IDH3B: variants seen among roughly 807,000 people sequenced by gnomAD.
The protein encoded by IDH3B is isocitrate dehydrogenase (NAD(+)) 3 non-catalytic subunit beta.
Under a neutral mutation model 47.5 loss-of-function variants are expected in IDH3B, and 40 were observed. The observed-to-expected ratio is 0.84, with a 90% CI of 0.65 to 1.10. IDH3B has a LOEUF of 1.10. Among genes scored for constraint, IDH3B ranks in the 50% least tolerant of loss-of-function variants. IDH3B has a pLI of 0.00. For synonymous variants in IDH3B, 185 were observed against 191.0 expected (o/e 0.97, Z 0.26); for missense variants, 450 against 505.2 (o/e 0.89, Z 1.05).
chr20:2,659,461 T>G, intron 11 of IDH3B, 64 bp downstream of exon 11: 1 of 1,571,602 alleles, frequency 6.4e-7, no homozygotes. Context: ...CAGAGGGTAG[T>G]GCCGAGGTGC....
chr20:2,660,855 C>T lies in IDH3B; in HGVS notation c.399-26G>A. 6.2e-7 allele frequency: 1 copy of T among 1,614,228 alleles called. No individual in the cohort carries two copies. The highest frequency in any genetic ancestry group is 1.1e-5 in the South Asian group (1 of 91,080). ...CTGAGGGTGGGCAGGGCCATCAGCTCTGCTCCTGGTGCCCTGGCACCTCTC... is the reference window on the plus strand; with the variant it reads ...CTGAGGGTGGGCAGGGCCATCAGCTTTGCTCCTGGTGCCCTGGCACCTCTC... On this transcript the variant is annotated intron_variant, in intron 5 of 11. Transcript: ENST00000380843. This position sits in a 1 kb window ranked among gnomAD's most constrained non-coding sequence, Gnocchi z 5.6.
intron 4 of IDH3B, among the ~76,000 whole-genome samples, chr20:2,662,562 T>A (rs1262969505): frequency 6.6e-6 from 1 of 151,982 alleles, no homozygotes; most frequent in East Asian, 1.9e-4. Context: ...CTCACGCCTA[T>A]AATCGCAGCA....
intron 4 of IDH3B, among the ~76,000 whole-genome samples, chr20:2,662,956 T>A (rs934683837): frequency 3.4e-5 from 5 of 146,762 alleles, no homozygotes; most frequent in Middle Eastern, 3.5e-3. Flanking sequence ...GACTCTGTCT[T>A]AAAACAAAAC....
chr20:2,660,899 G>C lies in IDH3B; in HGVS notation c.398+10C>G, dbSNP rs1238899781. On this transcript the variant is annotated intron_variant, in intron 5 of 11. Coordinates refer to ENST00000380843, the MANE Select transcript of IDH3B (RefSeq NM_006899.5). This position sits in a 1 kb window ranked among gnomAD's most constrained non-coding sequence, Gnocchi z 5.6. Reference sequence around the variant, plus strand: ...ACCTCTCAACCATTCACCCCACCCAGACCACCTACCTCAGCCGCATATCAT... The same window carrying C: ...ACCTCTCAACCATTCACCCCACCCACACCACCTACCTCAGCCGCATATCAT... 1 of 1,614,132 alleles carries C rather than the reference G, an allele frequency of 6.2e-7. No homozygotes were observed. Among genetic ancestry groups the C allele is most frequent in the Non-Finnish European group, 8.5e-7 (1 of 1,180,010 alleles).
chr20:2,660,194 G>A lies in IDH3B; in HGVS notation c.769-18C>T, dbSNP rs2146309428. On this transcript the variant is annotated intron_variant, in intron 8 of 11. Coordinates refer to ENST00000380843, the MANE Select transcript of IDH3B (RefSeq NM_006899.5). The surrounding 1 kb of genome is among the most constrained non-coding windows in gnomAD (Gnocchi z 5.6). ...TGCACCAGCTAGAGGGTGAGATGCAGGCATGAAGTAAATTCCACTCCCCAC... is the reference window on the plus strand; with the variant it reads ...TGCACCAGCTAGAGGGTGAGATGCAAGCATGAAGTAAATTCCACTCCCCAC... 6.2e-7 allele frequency: 1 copy of A among 1,614,164 alleles called. No individual in the cohort carries two copies. Among genetic ancestry groups the A allele is most frequent in the Non-Finnish European group, 8.5e-7 (1 of 1,180,016 alleles).
rs749245355 is a variant in IDH3B, at chr20:2,663,647, C to T, written c.216+13G>A. 5 of 1,614,050 alleles carry T rather than the reference C, an allele frequency of 3.1e-6. No homozygotes were observed. The African/African-American group carries it at 4.0e-5, about 13-fold the overall frequency. On this transcript the variant is annotated intron_variant, in intron 3 of 11. Coordinates refer to ENST00000380843, the MANE Select transcript of IDH3B (RefSeq NM_006899.5). The stretch of plus-strand genomic sequence containing the variant: ...CTACTGTCCTCTACTGTCTGATCCC[C>T]GAGGCCACTCACCTTGAACACCTCC...
rs2086865452 is a variant in IDH3B, at chr20:2,658,558, G to A, written c.*193C>T. ...GAATCATCATCATCCATGTGGCCTG[G>A]GCTCCATCCTAACAATCCCCATCAC... On this transcript the variant is annotated 3_prime_UTR_variant, in exon 12 of 12. Coordinates refer to ENST00000380843, the MANE Select transcript of IDH3B (RefSeq NM_006899.5). 1 of 1,612,994 alleles carries A rather than the reference G, an allele frequency of 6.2e-7. No individual in the cohort carries two copies. The highest frequency in any genetic ancestry group is 1.1e-5 in the South Asian group (1 of 90,866).
chr20:2,660,088 C>A lies in IDH3B; in HGVS notation c.857G>T (p.Gly286Val). 2 of 1,614,096 alleles carry A rather than the reference C, an allele frequency of 1.2e-6. No homozygotes were observed. Among genetic ancestry groups the A allele is most frequent in the Non-Finnish European group, 1.7e-6 (2 of 1,180,018 alleles). ...IIDNLAAGLV[G>V]GAGVVPGESY... ...CTCACCAGGGACCACACCAGCTCCC[C>A]CAACCAGGCCAGCAGCCAGATTGTC... Residue 286 changes from glycine (G) to valine (V), a missense_variant, in exon 9 of 12, where the codon GGG (glycine) becomes GTG (valine). By Grantham distance (109) the Gly-to-Val change is moderately radical. Coordinates refer to ENST00000380843, the MANE Select transcript of IDH3B (RefSeq NM_006899.5). This position sits in a 1 kb window ranked among gnomAD's most constrained non-coding sequence, Gnocchi z 5.6.
rs748128451 is a variant in IDH3B, at chr20:2,660,230, C to T, written c.768+33G>A. 1.5e-5 allele frequency: 25 copies of T among 1,613,572 alleles called. No individual in the cohort carries two copies. Among genetic ancestry groups the T allele is most frequent in the East Asian group, 8.9e-5 (4 of 44,894 alleles). Reference sequence around the variant, plus strand: ...AATTCCACTCCCCACCCTCCTCCTCCGCCCCATGAGTAGAGATGTGGGGAG... The same window carrying T: ...AATTCCACTCCCCACCCTCCTCCTCTGCCCCATGAGTAGAGATGTGGGGAG... On this transcript the variant is annotated intron_variant, in intron 8 of 11. Transcript: ENST00000380843. The surrounding 1 kb of genome is among the most constrained non-coding windows in gnomAD (Gnocchi z 5.6).
intron 11 of IDH3B, 105 bp downstream of exon 11, chr20:2,659,420 G>T: frequency 6.6e-7 from 1 of 1,517,838 alleles, no homozygotes. Context: ...CTGGGGACCT[G>T]GGGGGAAAGG....
At position 2,663,985 on chromosome 20, in the gene IDH3B, G is replaced by C. The variant is rs1248561664; in HGVS notation, c.57C>G (p.Asn19Lys). Residue 19 changes from asparagine to lysine, a missense_variant, in exon 2 of 12, where the codon AAC becomes AAG. Physicochemically the swap from Asn to Lys is moderately conservative, Grantham distance 94 (BLOSUM62 0). Coordinates refer to ENST00000380843, the MANE Select transcript of IDH3B (RefSeq NM_006899.5). ...TACTCAGACCTCTCCATGCCCCAGG[G>C]TTCCCGGCGGAGACCAGCGCCTGCA... ...WLTRALVSAG[N>K]PGAWRGLSTS... is the part of the protein sequence containing the mutation. The C allele has an allele frequency of 6.2e-7, 1 of 1,614,146 alleles. No homozygotes were observed. The highest frequency in any genetic ancestry group is 8.5e-7 in the Non-Finnish European group (1 of 1,180,008).
At chr20:2,659,465 G>T in intron 11 of IDH3B, 60 bp downstream of exon 11, 1 of 1,577,174 alleles carries the variant, frequency 6.3e-7, no homozygotes, top group South Asian at 1.1e-5. Context: ...GGGTAGTGCC[G>T]AGGTGCTGAC....
Position 2,660,797 on chromosome 20 carries a change from T to C in IDH3B, c.431A>G (p.His144Arg). The C allele has an allele frequency of 6.2e-7, 1 of 1,614,194 alleles. No individual in the cohort carries two copies. Among genetic ancestry groups the C allele is most frequent in the Non-Finnish European group, 8.5e-7 (1 of 1,180,044 alleles). The change falls in exon 6 of 12, where the codon CAT (histidine) becomes CGT (arginine). Residue 144 changes from histidine (H) to arginine (R), a missense_variant. Transcript: ENST00000380843. The surrounding 1 kb of genome is among the most constrained non-coding windows in gnomAD (Gnocchi z 5.6). ...CATATACCCAGGAAGTGACTTCACA[T>C]GGACTACGTTGGCAAATAAGTCCAA... is the stretch of plus-strand genomic sequence containing the variant. ...RKLDLFANVV[H>R]VKSLPGYMTR...
intron 9 of IDH3B, 73 bp downstream of exon 9, chr20:2,659,957 T>G: frequency 5.1e-6 from 8 of 1,581,398 alleles, no homozygotes; most frequent in Non-Finnish European, 7.0e-6. Flanking sequence ...ACTTAGGAAG[T>G]GGAGATATTG....
intron 4 of IDH3B, among the ~76,000 whole-genome samples, chr20:2,661,842 A>G (rs2086953785): frequency 6.6e-6 from 1 of 152,260 alleles, no homozygotes; most frequent in Admixed American, 6.5e-5. Flanking sequence ...CACTTCAGCC[A>G]TGCCTTGAGC....
In IDH3B at chr20:2,658,827, C is replaced by T. The variant is rs145651330; in HGVS notation, c.1082G>A (p.Arg361Gln). 3.5e-5 allele frequency: 56 copies of T among 1,613,958 alleles called. No homozygotes were observed. The highest frequency in any genetic ancestry group is 4.5e-5 in the Non-Finnish European group (53 of 1,180,040). Residue 361 changes from arginine to glutamine, a missense_variant, in exon 12 of 12, where the codon CGA becomes CAA. Coordinates refer to ENST00000380843, the MANE Select transcript of IDH3B (RefSeq NM_006899.5). ...TGTGGTGCTGTAGCCGCCCATGTCT[C>T]GAGTCCGCACCTACAGCCACCACCG... ...KVIKVGKVRT[R>Q]DMGGYSTTTD...
rs745922092 is a variant in IDH3B, at chr20:2,658,450, G to T, written c.*301C>A. 1.2e-6 allele frequency: 2 copies of T among 1,614,094 alleles called. No homozygotes were observed. The highest frequency in any genetic ancestry group is 2.2e-5 in the South Asian group (2 of 91,068). ...ATGGGTATGGACAGGGCCTATGGGT[G>T]GGGCAAGGCAGCAATGACAGCCTCA... On this transcript the variant is annotated 3_prime_UTR_variant, in exon 12 of 12. Transcript: ENST00000380843.
chr20:2,659,977 A>G, intron 9 of IDH3B, 53 bp downstream of exon 9: 1 of 1,610,230 alleles, frequency 6.2e-7, no homozygotes, highest in Non-Finnish European at 8.5e-7. Flanking sequence ...GGGATGGGAG[A>G]GGAATGGCGG....
At chr20:2,662,731 G>A (rs746345020) in intron 4 of IDH3B, among the ~76,000 whole-genome samples, 1 of 152,134 alleles carries the variant, frequency 6.6e-6, no homozygotes, top group Non-Finnish European at 1.5e-5. Context: ...AAGGCGGGCA[G>A]ATCACAAGGT....
Sources: allele counts gnomAD v4.1 joint callset (sites outside exome capture counted in the v4.1 genomes callset), GRCh38; gene constraint gnomAD v4.1.1; non-coding constraint Gnocchi (gnomAD v3.1); transcripts MANE v1.5; gene names NCBI Gene and HGNC (gene_info 2026-07-23, HGNC 2026-07-21).